The following AK4 variants were observed in gnomAD, a reference collection of about 807,000 sequenced individuals.
AK4 encodes the protein adenylate kinase 4, also known as adenylate kinase 4, mitochondrial.
AK4 carries 13 observed loss-of-function variants against 24.6 expected under a neutral mutation model. The observed-to-expected ratio is 0.53, with a 90% CI of 0.34 to 0.84. The LOEUF (loss-of-function observed/expected upper bound fraction) is 0.84. AK4 is among the 40% of genes least tolerant of loss of function. AK4 has a pLI of 0.01. For missense variants in AK4, 192 were observed against 288.2 expected (o/e 0.67, Z 2.42); for synonymous variants, 88 against 107.0 (o/e 0.82, Z 1.10).
chr1:65,218,663 G>A, intron 2 of AK4, 91 bp from the exon 3 acceptor site: 1 of 1,312,104 alleles, frequency 7.6e-7, no homozygotes, highest in Middle Eastern at 2.0e-4. Context: ...AATGGTATAT[G>A]CAGATTTAAT....
rs534212176 is a variant in AK4 at position 65,231,451 on chromosome 1, A to G, written c.*5274A>G. 1 of 152,314 alleles carries G rather than the reference A, an allele frequency of 6.6e-6. No individual in the cohort carries two copies. Among genetic ancestry groups the G allele is most frequent in the East Asian group, 1.9e-4 (1 of 5,188 alleles). 9.4% of individuals were successfully genotyped at this position (152,314 alleles called of 1,614,324 possible). On this transcript the variant is annotated 3_prime_UTR_variant, in exon 5 of 5. Transcript: ENST00000327299. ...TCCTTCCTCTGGTAATAATTAGGTT[A>G]TTCCCAGAAGCACAGTGTCATTCTT...
intron 2 of AK4, among the ~76,000 whole-genome samples, chr1:65,211,622 G>A (rs1651974709): frequency 6.6e-6 from 1 of 152,154 alleles, no homozygotes; most frequent in Admixed American, 6.5e-5. Flanking sequence ...TTTTAAAATG[G>A]GGATAAGGCC....
At chr1:65,190,260 CTT>C (rs552566388) in intron 1 of AK4, among the ~76,000 whole-genome samples, 3 of 144,076 alleles carry the variant, frequency 2.1e-5, no homozygotes, top group African/African-American at 2.5e-5. Context: ...TTCTTTCTTT[CTT>C]TTTTTTTTTT....
chr1:65,226,194 A>G lies in AK4; in HGVS notation c.*17A>G. ...GCATATTGACCCTGCCCAATGGAAGAACCAGGAAGATGTGGTCATTCATTC... is the reference window on the plus strand; with the variant it reads ...GCATATTGACCCTGCCCAATGGAAGGACCAGGAAGATGTGGTCATTCATTC... On this transcript the variant is annotated 3_prime_UTR_variant, in exon 5 of 5. Transcript: ENST00000327299. 1 of 1,578,218 alleles carries G rather than the reference A, an allele frequency of 6.3e-7. No individual in the cohort carries two copies. The highest frequency in any genetic ancestry group is 8.6e-7 in the Non-Finnish European group (1 of 1,156,916).
At chr1:65,177,852 A>G (rs946338454) in intron 1 of AK4, among the ~76,000 whole-genome samples, 1 of 152,196 alleles carries the variant, frequency 6.6e-6, no homozygotes, top group Non-Finnish European at 1.5e-5. Context: ...TATGTAGTCT[A>G]ATCAGGTAAG....
intron 1 of AK4, among the ~76,000 whole-genome samples, chr1:65,187,466 G>A (rs894285300): frequency 1.3e-5 from 2 of 152,112 alleles, no homozygotes; most frequent in Non-Finnish European, 2.9e-5. Flanking sequence ...ATGGGTCAGG[G>A]TTTCTTTCTG....
chr1:65,216,655 C>G (rs1652143386), intron 2 of AK4, among the ~76,000 whole-genome samples: 1 of 126,760 alleles, frequency 7.9e-6, no homozygotes, highest in South Asian at 2.1e-4. Context: ...CTTTCTTTCT[C>G]TTTCTCTCTG....
chr1:65,174,526 A>C (rs1570089585), intron 1 of AK4, among the ~76,000 whole-genome samples: 2 of 152,246 alleles, frequency 1.3e-5, no homozygotes, highest in East Asian at 3.9e-4. Context: ...ACTTAATTTA[A>C]AAAATACTGT....
chr1:65,173,083 T>C (rs112281312), intron 1 of AK4, among the ~76,000 whole-genome samples: 16,939 of 151,994 alleles, frequency 0.11, 1,230 homozygotes, highest in Admixed American at 0.23. Flanking sequence ...AGGCTGGTCT[T>C]GAATGCCTGA....
intron 4 of AK4, 32 bp downstream of exon 4, chr1:65,224,902 G>A (rs1173932997): frequency 1.0e-5 from 16 of 1,557,482 alleles, no homozygotes; most frequent in Non-Finnish European, 1.3e-5. Context: ...CATGACAAAG[G>A]ACAGACTGGA....
At chr1:65,187,938 A>G (rs1298622040) in intron 1 of AK4, among the ~76,000 whole-genome samples, 1 of 152,148 alleles carries the variant, frequency 6.6e-6, no homozygotes, top group Non-Finnish European at 1.5e-5. Flanking sequence ...CTTTTGCAGC[A>G]TGTTAGTGAA....
At chr1:65,199,889 T>A (rs935576695) in intron 2 of AK4, among the ~76,000 whole-genome samples, 2 of 152,186 alleles carry the variant, frequency 1.3e-5, no homozygotes, top group African/African-American at 4.8e-5. Flanking sequence ...CTCAAAATTT[T>A]GGATTTTGGA....
At chr1:65,154,556 A>G in intron 1 of AK4, 2 of 524,044 alleles carry the variant, frequency 3.8e-6, no homozygotes, top group South Asian at 2.8e-5. Flanking sequence ...GTCTGTTCAA[A>G]CCGGCACTGT....
At chr1:65,196,622 G>A (rs994114145) in intron 2 of AK4, among the ~76,000 whole-genome samples, 1 of 152,014 alleles carries the variant, frequency 6.6e-6, no homozygotes, top group Non-Finnish European at 1.5e-5. Context: ...ACACCACCAT[G>A]CCTGGCTAAT....
At chr1:65,205,434 A>G (rs990183390) in intron 2 of AK4, among the ~76,000 whole-genome samples, 18 of 151,940 alleles carry the variant, frequency 1.2e-4, no homozygotes, top group African/African-American at 4.1e-4. Flanking sequence ...GGGTCTTGCT[A>G]TGTTGCCCAG....
At chr1:65,172,815 T>C (rs1204051856) in intron 1 of AK4, among the ~76,000 whole-genome samples, 1 of 151,882 alleles carries the variant, frequency 6.6e-6, no homozygotes, top group Non-Finnish European at 1.5e-5. Flanking sequence ...TCTCTTCTTC[T>C]TCGCTATTTC....
chr1:65,161,355 C>T (rs1310005959), intron 1 of AK4, among the ~76,000 whole-genome samples: 2 of 152,060 alleles, frequency 1.3e-5, no homozygotes, highest in East Asian at 1.9e-4. Context: ...TTTGAGGTAC[C>T]GACAGTCTAG....
At chr1:65,187,583 G>A (rs953514619) in intron 1 of AK4, among the ~76,000 whole-genome samples, 2 of 152,280 alleles carry the variant, frequency 1.3e-5, no homozygotes, top group South Asian at 2.1e-4. Flanking sequence ...ATGTTATAGT[G>A]TGTGAATTAT....
rs1331839443 is a variant in AK4, at chr1:65,226,142, A to G, written c.637A>G (p.Lys213Glu). The G allele has an allele frequency of 3.1e-6, 5 of 1,610,902 alleles. No homozygotes were observed. Among genetic ancestry groups the G allele is most frequent in the Non-Finnish European group, 4.2e-6 (5 of 1,179,336 alleles). The change falls in exon 5 of 5, where the codon AAG becomes GAG. Residue 213 changes from lysine to glutamate, a missense_variant. Transcript: ENST00000327299. Reference protein sequence around the residue: ...WPYVYTLFSNKITPIQSKEAY With the variant: ...WPYVYTLFSNEITPIQSKEAY Reference sequence around the variant, plus strand: ...CTACGTTTACACACTTTTCTCAAACAAGATCACACCTATTCAGTCCAAAGA... The same window carrying G: ...CTACGTTTACACACTTTTCTCAAACGAGATCACACCTATTCAGTCCAAAGA...
Sources: gnomAD v4.1 joint callset for allele counts (sites outside exome capture counted in the v4.1 genomes callset) on GRCh38, gnomAD v4.1.1 for gene constraint, MANE v1.5 for transcripts, NCBI Gene and HGNC (gene_info 2026-07-23, HGNC 2026-07-21) for gene names.